The following ARHGEF3 variants were observed in gnomAD, a reference collection of about 807,000 sequenced individuals.
ARHGEF3 encodes 59.8 kDA protein.
Under a neutral mutation model 63.2 loss-of-function variants are expected in ARHGEF3, and 28 were observed. That is an observed-to-expected ratio of 0.44 (90% CI 0.33 to 0.61). The LOEUF (loss-of-function observed/expected upper bound fraction) is 0.61. Among genes scored for constraint, ARHGEF3 ranks in the 20% least tolerant of loss-of-function variants. The pLI is 0.03. For synonymous variants in ARHGEF3, 266 were observed against 254.2 expected, an observed-to-expected ratio of 1.05 and a Z score of -0.44; for missense variants, 533 against 659.3, an observed-to-expected ratio of 0.81 and a Z score of 2.10.
chr3:57,039,755 T>C (rs1178666862), intron 1 of ARHGEF3, among the ~76,000 whole-genome samples: 1 of 152,158 alleles, frequency 6.6e-6, no homozygotes, highest in African/African-American at 2.4e-5. Context: ...GTCTTCTCTT[T>C]CCTCTGCTTT....
intron 4 of ARHGEF3, among the ~76,000 whole-genome samples, chr3:56,881,187 G>C (rs900587069): frequency 6.6e-6 from 1 of 152,172 alleles, no homozygotes; most frequent in African/African-American, 2.4e-5. Flanking sequence ...CAGAAGTTCA[G>C]AGAAAGGAAG....
At chr3:57,029,627 AT>A (rs1428301214) in intron 2 of ARHGEF3, among the ~76,000 whole-genome samples, 1 of 152,146 alleles carries the variant, frequency 6.6e-6, no homozygotes, top group Non-Finnish European at 1.5e-5. Flanking sequence ...AAAGGTCCCC[AT>A]TTAACTGAGG....
chr3:57,014,042 C>G (rs150260417), intron 2 of ARHGEF3, among the ~76,000 whole-genome samples: 1 of 152,096 alleles, frequency 6.6e-6, no homozygotes, highest in Non-Finnish European at 1.5e-5. Flanking sequence ...ACACTCACCG[C>G]GAAGGTCTGG....
intron 6 of ARHGEF3, among the ~76,000 whole-genome samples, chr3:56,749,686 G>C (rs1275477646): frequency 2.0e-5 from 3 of 152,266 alleles, no homozygotes; most frequent in African/African-American, 7.2e-5. Flanking sequence ...TAAAATGAAA[G>C]TCAAAAATAT....
chr3:57,075,817 GAAAAAA>G (rs1375088858), intron 1 of ARHGEF3, among the ~76,000 whole-genome samples: 1 of 151,626 alleles, frequency 6.6e-6, no homozygotes, highest in Non-Finnish European at 1.5e-5. Context: ...CTCTAAAAAA[GAAAAAA>G]GAAAAAGAAA....
intron 2 of ARHGEF3, among the ~76,000 whole-genome samples, chr3:56,959,693 G>A (rs905368532): frequency 6.6e-6 from 1 of 152,156 alleles, no homozygotes; most frequent in African/African-American, 2.4e-5. Flanking sequence ...GTACCAAAAG[G>A]CTGGCCAGGT....
At chr3:57,059,086 A>C (rs1189343292) in intron 1 of ARHGEF3, among the ~76,000 whole-genome samples, 1 of 152,064 alleles carries the variant, frequency 6.6e-6, no homozygotes, top group African/African-American at 2.4e-5. Flanking sequence ...GCACATGTAT[A>C]GATATGTAAC....
intron 2 of ARHGEF3, among the ~76,000 whole-genome samples, chr3:57,002,461 A>T (rs1702240442): frequency 2.1e-4 from 2 of 9,344 alleles, no homozygotes; most frequent in South Asian, 6.8e-3. Flanking sequence ...TGTTCTAAGC[A>T]CTATATATAT....
intron 3 of ARHGEF3, among the ~76,000 whole-genome samples, chr3:56,956,057 C>T (rs951690026): frequency 3.9e-5 from 6 of 152,170 alleles, no homozygotes; most frequent in African/African-American, 9.7e-5. Flanking sequence ...GACAGGAGAT[C>T]AAGATAAACA....
chr3:56,996,904 T>G (rs1351061750), intron 2 of ARHGEF3, among the ~76,000 whole-genome samples: 7 of 149,764 alleles, frequency 4.7e-5, no homozygotes, highest in Non-Finnish European at 1.0e-4. Flanking sequence ...TTTTTTTTTT[T>G]TGCAATTTGC....
chr3:56,918,102 C>T (rs2042031789), intron 3 of ARHGEF3, among the ~76,000 whole-genome samples: 1 of 152,192 alleles, frequency 6.6e-6, no homozygotes, highest in African/African-American at 2.4e-5. Context: ...CGTCTTGTTC[C>T]AGCCTCCTAC....
intron 2 of ARHGEF3, among the ~76,000 whole-genome samples, chr3:56,767,903 C>T (rs895620989): frequency 6.6e-6 from 1 of 151,910 alleles, no homozygotes; most frequent in African/African-American, 2.4e-5. Flanking sequence ...TGCACCACTA[C>T]GCCCAGCTAA....
rs146601451 is a variant in ARHGEF3, at chr3:56,926,692, G to A, written c.129+32131C>T. 2.5e-3 allele frequency among the ~76,000 whole-genome samples: 386 copies of A among 152,288 alleles called. 2 individuals are homozygous for A. The highest frequency in any genetic ancestry group is 3.6e-3 in the Non-Finnish European group (246 of 68,024). On this transcript the variant is annotated intron_variant, in intron 3 of 12. Transcript: ENST00000338458. ...ATGGATAATTTATGGAGAAAACAAG[G>A]AATTCCCCAGCTACTTGATTTTACA...
intron 2 of ARHGEF3, among the ~76,000 whole-genome samples, chr3:56,757,067 A>T (rs184640834): frequency 1.3e-5 from 2 of 152,378 alleles, no homozygotes; most frequent in Admixed American, 6.5e-5. Context: ...ATGAGCCTTC[A>T]TCACAAAGGC....
chr3:57,064,469 C>T (rs1299847776), intron 1 of ARHGEF3, among the ~76,000 whole-genome samples: 1 of 152,106 alleles, frequency 6.6e-6, no homozygotes, highest in African/African-American at 2.4e-5. Flanking sequence ...ATTACAGGTG[C>T]ATGCCACCAC....
At chr3:56,919,620 T>C (rs1017950471) in intron 3 of ARHGEF3, among the ~76,000 whole-genome samples, 24 of 152,356 alleles carry the variant, frequency 1.6e-4, no homozygotes, top group African/African-American at 5.5e-4. Flanking sequence ...TCTGCCAATG[T>C]TGATAACTCA....
chr3:56,736,940 C>T (rs1447411794), intron 8 of ARHGEF3, among the ~76,000 whole-genome samples: 1 of 151,984 alleles, frequency 6.6e-6, no homozygotes, highest in Non-Finnish European at 1.5e-5. Flanking sequence ...TAAAAAAATA[C>T]AAAAATTAGC....
intron 2 of ARHGEF3, among the ~76,000 whole-genome samples, chr3:57,012,458 A>T (rs1399294545): frequency 6.6e-6 from 1 of 152,020 alleles, no homozygotes. Flanking sequence ...GGGGTTTCAC[A>T]ATGTTGGTCA....
At chr3:57,027,051 T>C (rs960314229) in intron 2 of ARHGEF3, among the ~76,000 whole-genome samples, 4 of 152,208 alleles carry the variant, frequency 2.6e-5, no homozygotes, top group Non-Finnish European at 4.4e-5. Context: ...TGAGACCTCC[T>C]CCTTGACTCT....
Sources: gnomAD v4.1 joint callset for allele counts (sites outside exome capture counted in the v4.1 genomes callset) on GRCh38, gnomAD v4.1.1 for gene constraint, MANE v1.5 for transcripts, NCBI Gene and HGNC (gene_info 2026-07-23, HGNC 2026-07-21) for gene names.